Variants in MDN1 observed in about 807,000 individuals in gnomAD.
MDN1 encodes midasin AAA ATPase 1, also known as midasin.
In MDN1, 266 loss-of-function variants were observed where a neutral mutation model predicts 669.2. The ratio of observed to expected loss-of-function variants is 0.40; its 90% CI spans 0.36 to 0.44. The LOEUF (loss-of-function observed/expected upper bound fraction) is 0.44. Among genes scored for constraint, MDN1 ranks in the 20% least tolerant of loss-of-function variants. The probability of loss-of-function intolerance (pLI) is 1.00; values close to 1 mark genes in which losing one functional copy is unlikely to be tolerated. For missense variants in MDN1, 5,940 were observed against 6,754.0 expected, an observed-to-expected ratio of 0.88 and a Z score of 4.22; for synonymous variants, 2,385 against 2,457.1, an observed-to-expected ratio of 0.97 and a Z score of 0.87.
intron 43 of MDN1, 53 bp downstream of exon 43, chr6:89,718,313 G>A (rs1814549778): frequency 2.2e-5 from 33 of 1,518,472 alleles, no homozygotes; most frequent in Non-Finnish European, 2.3e-5. Flanking sequence ...CGTGTAAATG[G>A]ACACAATATA....
rs1458843017 is a variant in MDN1 at position 89,803,385 on chromosome 6, T to C, written c.272A>G (p.His91Arg). 1.9e-6 allele frequency: 3 copies of C among 1,614,164 alleles called. No individual in the cohort carries two copies. Among genetic ancestry groups the C allele is most frequent in the Non-Finnish European group, 2.5e-6 (3 of 1,180,032 alleles). Residue 91 changes from histidine to arginine, a missense_variant, in exon 2 of 102, where the codon CAT becomes CGT. Coordinates refer to ENST00000369393, the MANE Select transcript of MDN1 (RefSeq NM_014611.3). ...KAGGQINHDLHERLCVSMSKL... is the reference protein window; with the variant it reads ...KAGGQINHDLRERLCVSMSKL... Reference sequence around the variant, plus strand: ...GCTCATCGACACACATAGCCGTTCATGCAGATCATGGTTGATTTGGCCTCC... The same window carrying C: ...GCTCATCGACACACATAGCCGTTCACGCAGATCATGGTTGATTTGGCCTCC...
chr6:89,656,881 C>G, intron 90 of MDN1, 80 bp from the exon 91 acceptor site: 2 of 1,128,376 alleles, frequency 1.8e-6, no homozygotes, highest in Non-Finnish European at 2.6e-6. Flanking sequence ...TTGAATACAA[C>G]TTCTCTCACT....
intron 11 of MDN1, among the ~76,000 whole-genome samples, chr6:89,777,407 T>C (rs1039281597): frequency 6.6e-6 from 1 of 152,220 alleles, no homozygotes; most frequent in Non-Finnish European, 1.5e-5. Context: ...CACTCATTCC[T>C]AGGCATAGGC....
At chr6:89,740,426 T>C (rs1816228858) in intron 31 of MDN1, 48 bp from the exon 32 acceptor site, 1 of 1,502,826 alleles carries the variant, frequency 6.7e-7, no homozygotes. Flanking sequence ...ACAATCTTTC[T>C]GTTTTACAAT....
intron 26 of MDN1, among the ~76,000 whole-genome samples, chr6:89,747,878 G>A (rs1238299951): frequency 6.0e-5 from 7 of 115,712 alleles, no homozygotes; most frequent in East Asian, 5.2e-4. Flanking sequence ...GCGACAAAGC[G>A]AGACTCCGTC....
chr6:89,699,852 A>G lies in MDN1; in HGVS notation c.8871-125T>C, dbSNP rs1813021144. 25 of 1,174,046 alleles carry G rather than the reference A, an allele frequency of 2.1e-5. No individual in the cohort carries two copies. The South Asian group carries it at 3.7e-4, about 17-fold the overall frequency. 72.7% of individuals were successfully genotyped at this position (1,174,046 alleles called of 1,614,324 possible). Reference sequence around the variant, plus strand: ...CATTTATCTAAAAATGAACAACTCTACTGATAAAATTCTCGGTGACTTTTA... The same window carrying G: ...CATTTATCTAAAAATGAACAACTCTGCTGATAAAATTCTCGGTGACTTTTA... On this transcript the variant is annotated intron_variant, in intron 57 of 101. Coordinates refer to ENST00000369393, the MANE Select transcript of MDN1 (RefSeq NM_014611.3).
intron 33 of MDN1, among the ~76,000 whole-genome samples, chr6:89,736,704 GAATCACCT>G (rs1815995600): frequency 6.6e-6 from 1 of 152,148 alleles, no homozygotes; most frequent in Non-Finnish European, 1.5e-5. Context: ...TGAGACAGGA[GAATCACCT>G]GGGCCCAGGA....
chr6:89,697,929 GAGA>G (rs1262402108), intron 59 of MDN1, among the ~76,000 whole-genome samples: 3 of 152,076 alleles, frequency 2.0e-5, no homozygotes, highest in Admixed American at 2.0e-4. Context: ...CGAAAATTCA[GAGA>G]AGAACTAAAG....
rs12203928 is a variant in MDN1 at position 89,740,382 on chromosome 6, A to C, written c.4449-4T>G. 41,138 of 1,570,256 alleles carry C rather than the reference A, an allele frequency of 0.026. 651 individuals are homozygous for C. Among genetic ancestry groups the C allele is most frequent in the Non-Finnish European group, 0.03 (35,575 of 1,166,994 alleles). On this transcript the variant is annotated splice_region_variant and splice_polypyrimidine_tract_variant and intron_variant, in intron 31 of 101. Transcript: ENST00000369393. ...AGACTTTTCTACTTCAAGGACACTA[A>C]AAGAAAAATTGAAGAACAGTGAAAA...
In MDN1 at chr6:89,778,927, TAAATAAAA is replaced by T. The variant is rs202131069; in HGVS notation, c.1725+1277_1725+1284del. On this transcript the variant is annotated intron_variant, in intron 11 of 101. Transcript: ENST00000369393. The stretch of plus-strand genomic sequence containing the variant: ...ATAAATAAATAAATAAATAAATAAA[TAAATAAAA>T]AAAAAGGTATAGGGCCTGTGTCAGT... Among the ~76,000 whole-genome samples the T allele has an allele frequency of 6.4e-3, 907 of 140,802 alleles. 20 individuals are homozygous for T. In the East Asian group the frequency reaches 0.071, roughly 11 times the overall value. 92.4% of individuals were successfully genotyped at this position (140,802 alleles called of 152,430 possible).
intron 33 of MDN1, among the ~76,000 whole-genome samples, chr6:89,735,326 C>T (rs1815893608): frequency 7.0e-6 from 1 of 143,688 alleles, no homozygotes; most frequent in African/African-American, 2.6e-5. Context: ...GTGCCTTTCA[C>T]AGGTCAATTT....
At chr6:89,696,323 A>G in intron 60 of MDN1, 37 bp downstream of exon 60, 6 of 1,597,042 alleles carry the variant, frequency 3.8e-6, no homozygotes, top group Non-Finnish European at 5.1e-6. Flanking sequence ...GAGAAAAGAC[A>G]GGAACTTTAC....
intron 65 of MDN1, 70 bp from the exon 66 acceptor site, chr6:89,688,878 T>A: frequency 7.7e-7 from 1 of 1,301,610 alleles, no homozygotes; most frequent in Non-Finnish European, 1.1e-6. Flanking sequence ...CAAAAAGATG[T>A]CAGCAACAGG....
chr6:89,654,905 A>C lies in MDN1; in HGVS notation c.15491-571T>G, dbSNP rs542593747. Among the ~76,000 whole-genome samples, 5 of 152,312 alleles carry C rather than the reference A, an allele frequency of 3.3e-5. No homozygotes were observed. The South Asian group carries it at 1.0e-3, about 32-fold the overall frequency. ...AATAAAAAGTAGTAGAAAACAAGGC[A>C]CAGAAAGACGAATAGGAATCCCAGC... On this transcript the variant is annotated intron_variant, in intron 92 of 101. Transcript: ENST00000369393.
chr6:89,780,632 T>A (rs944236431), intron 10 of MDN1, among the ~76,000 whole-genome samples: 1 of 147,792 alleles, frequency 6.8e-6, no homozygotes, highest in Admixed American at 6.8e-5. Context: ...AATGAGGAGA[T>A]GCCATTTCCT....
Position 89,774,702 on chromosome 6 carries a change from T to G in MDN1, c.1853A>C (p.Glu618Ala), listed in dbSNP as rs1562205103. 3.1e-6 allele frequency: 5 copies of G among 1,613,596 alleles called. No homozygotes were observed. The highest frequency in any genetic ancestry group is 4.2e-6 in the Non-Finnish European group (5 of 1,179,606). ...CAAATCTAGCTCATTGATCACAATTTCTGGTTTATAAAGTTGACAAAAGAA... is the reference window on the plus strand; with the variant it reads ...CAAATCTAGCTCATTGATCACAATTGCTGGTTTATAAAGTTGACAAAAGAA... ...AEFFCQLYKP[E>A]IVINELDLQV... The change falls in exon 13 of 102, where the codon GAA becomes GCA. Residue 618 changes from glutamate to alanine, a missense_variant. By Grantham distance (107) the Glu-to-Ala change is moderately radical. Coordinates refer to ENST00000369393, the MANE Select transcript of MDN1 (RefSeq NM_014611.3).
chr6:89,804,218 T>G (rs1767869520), intron 1 of MDN1, among the ~76,000 whole-genome samples: 1 of 152,114 alleles, frequency 6.6e-6, no homozygotes, highest in Non-Finnish European at 1.5e-5. Flanking sequence ...CCCAAAATAT[T>G]TATGTAAATA....
rs893051239 is a variant in MDN1 at position 89,646,661 on chromosome 6, CAA to C, written c.16396-60_16396-59del. ...ACTATGTGAATGCTCTTCTCATTGT[CAA>C]AGAGACTGATAGTATTTCTGACATT... On this transcript the variant is annotated intron_variant, in intron 99 of 101. Transcript: ENST00000369393. The C allele has an allele frequency of 1.1e-5, 16 of 1,412,110 alleles. No individual in the cohort carries two copies. In the African/African-American group the frequency reaches 2.1e-4, roughly 19 times the overall value. 87.5% of individuals were successfully genotyped at this position (1,412,110 alleles called of 1,614,324 possible). A position where few individuals can be genotyped will look rare whatever the true frequency, so the allele number is the denominator to read the frequency against.
chr6:89,772,866 C>G, intron 13 of MDN1, 145 bp from the exon 14 acceptor site: 1 of 890,786 alleles, frequency 1.1e-6, no homozygotes, highest in Non-Finnish European at 1.6e-6. Context: ...GATAATCTTA[C>G]AACATACAAA....
Sources: gnomAD v4.1 joint callset for allele counts (sites outside exome capture counted in the v4.1 genomes callset) on GRCh38, gnomAD v4.1.1 for gene constraint, MANE v1.5 for transcripts, NCBI Gene and HGNC (gene_info 2026-07-23, HGNC 2026-07-21) for gene names.